Variants in BLK observed in about 807,000 individuals in gnomAD.
The protein encoded by BLK is BLK proto-oncogene, Src family tyrosine kinase, also known as tyrosine-protein kinase Blk.
In BLK, 64 loss-of-function variants were observed where a neutral mutation model predicts 61.8. That is an observed-to-expected ratio of 1.03 (90% CI 0.85 to 1.27). The LOEUF (loss-of-function observed/expected upper bound fraction) is 1.27, where lower values mean the gene tolerates loss of function less well. BLK is among the 50% of genes most tolerant of loss of function. The pLI, the probability that BLK is intolerant of heterozygous loss-of-function variation, is 0.00. For synonymous variants in BLK, 351 were observed against 272.0 expected (o/e 1.29, Z -2.86); for missense variants, 853 against 660.5 (o/e 1.29, Z -3.19).
intron 1 of BLK, among the ~76,000 whole-genome samples, chr8:11,494,895 C>A (rs1241182618): frequency 6.6e-6 from 1 of 152,204 alleles, no homozygotes; most frequent in African/African-American, 2.4e-5. Flanking sequence ...GGGGGTTGAG[C>A]GGGCACACAC....
intron 1 of BLK, among the ~76,000 whole-genome samples, chr8:11,496,580 C>T (rs1275577370): frequency 1.3e-5 from 2 of 152,176 alleles, no homozygotes; most frequent in Non-Finnish European, 2.9e-5. Context: ...GTGGCAGGGG[C>T]TGCAGGACGG....
intron 6 of BLK, among the ~76,000 whole-genome samples, chr8:11,552,073 G>A (rs555984421): frequency 9.2e-5 from 14 of 152,328 alleles, no homozygotes; most frequent in East Asian, 3.9e-4. Flanking sequence ...GGGAGAGAGA[G>A]TGTCTGGAAT....
At chr8:11,548,006 G>A (rs765333728) in intron 3 of BLK, 26 bp from the exon 4 acceptor site, 1 of 1,602,340 alleles carries the variant, frequency 6.2e-7, no homozygotes, top group South Asian at 1.1e-5. Flanking sequence ...CCTGAGTGGT[G>A]GTCATCTCTC....
intron 1 of BLK, among the ~76,000 whole-genome samples, chr8:11,517,474 C>A (rs926086727): frequency 6.6e-6 from 1 of 152,176 alleles, no homozygotes; most frequent in Non-Finnish European, 1.5e-5. Flanking sequence ...TTTCCCTGGC[C>A]CCTTTTTGGC....
chr8:11,514,862 A>C, intron 1 of BLK, among the ~76,000 whole-genome samples: 1 of 152,300 alleles, frequency 6.6e-6, no homozygotes, highest in Middle Eastern at 3.4e-3. Context: ...AAGCTATTAC[A>C]GTCCCAGATC....
intron 6 of BLK, chr8:11,553,410 T>C (rs1801011318): frequency 6.6e-6 from 3 of 451,512 alleles, no homozygotes; most frequent in African/African-American, 2.0e-5. Context: ...CTGAAGCTGA[T>C]AGGATCTGAG....
chr8:11,561,258 T>C, intron 10 of BLK, 44 bp from the exon 11 acceptor site: 2 of 1,598,532 alleles, frequency 1.3e-6, no homozygotes, highest in Non-Finnish European at 1.7e-6. Context: ...GGTCTTGGCG[T>C]GGAGGCCCCC....
chr8:11,503,940 A>G (rs1038202924), intron 1 of BLK, among the ~76,000 whole-genome samples: 3 of 152,154 alleles, frequency 2.0e-5, no homozygotes, highest in African/African-American at 2.4e-5. Context: ...AACTACCCCC[A>G]GAGAGGCTCC....
At chr8:11,516,010 A>G (rs911383130) in intron 1 of BLK, among the ~76,000 whole-genome samples, 2 of 152,242 alleles carry the variant, frequency 1.3e-5, no homozygotes, top group African/African-American at 4.8e-5. Flanking sequence ...TGTAGATGGA[A>G]CAAAAGTTCA....
chr8:11,497,884 G>T (rs1272589009), intron 1 of BLK, among the ~76,000 whole-genome samples: 1 of 152,180 alleles, frequency 6.6e-6, no homozygotes, highest in East Asian at 1.9e-4. Context: ...AGCCAGGTCA[G>T]TCTGGCTCTG....
chr8:11,561,150 C>T (rs1245508605), intron 10 of BLK, 152 bp from the exon 11 acceptor site: 11 of 1,138,388 alleles, frequency 9.7e-6, no homozygotes, highest in East Asian at 2.6e-5. Context: ...GGAGTTTATT[C>T]GGCTGAGGAG....
chr8:11,559,506 AACTCACAC>A (rs1006956578), intron 10 of BLK, among the ~76,000 whole-genome samples: 2 of 121,008 alleles, frequency 1.7e-5, no homozygotes, highest in African/African-American at 2.9e-5. Flanking sequence ...CAAACTCACA[AACTCACAC>A]ACACAAACAC....
intron 10 of BLK, among the ~76,000 whole-genome samples, chr8:11,558,272 C>T (rs1801326066): frequency 6.6e-6 from 1 of 152,216 alleles, no homozygotes; most frequent in Non-Finnish European, 1.5e-5. Context: ...GGAATGGAGC[C>T]TTAGACCCGG....
At position 11,502,872 on chromosome 8, in the gene BLK, G is replaced by A. The variant is rs28496783; in HGVS notation, c.-2+8281G>A. Among the ~76,000 whole-genome samples the A allele has an allele frequency of 1.3e-4, 20 of 152,338 alleles. No homozygotes were observed. In the East Asian group the frequency reaches 2.7e-3, roughly 21 times the overall value. On this transcript the variant is annotated intron_variant, in intron 1 of 12. Transcript: ENST00000259089. ...TGCTTTGTGCTCGGTGGCAGGGGAAGGGGGGTGGGCCTGTGGGCCTGGATG... is the reference window on the plus strand; with the variant it reads ...TGCTTTGTGCTCGGTGGCAGGGGAAAGGGGGTGGGCCTGTGGGCCTGGATG...
At chr8:11,553,441 C>G (rs1368513235) in intron 6 of BLK, 2 of 429,680 alleles carry the variant, frequency 4.7e-6, no homozygotes, top group East Asian at 1.5e-4. Context: ...CAAAGGACAC[C>G]AAATTGTCAG....
intron 12 of BLK, among the ~76,000 whole-genome samples, 155 bp from the exon 13 acceptor site, chr8:11,563,748 G>A (rs1320526606): frequency 1.3e-5 from 2 of 152,244 alleles, no homozygotes; most frequent in African/African-American, 4.8e-5. Flanking sequence ...TAGAGACCGG[G>A]CAGCCAGGCA....
intron 1 of BLK, among the ~76,000 whole-genome samples, chr8:11,532,535 T>C (rs182253147): frequency 6.6e-6 from 1 of 152,208 alleles, no homozygotes; most frequent in East Asian, 1.9e-4. Flanking sequence ...ATTTCAGATA[T>C]TGTATTTTTT....
chr8:11,514,320 C>A (rs1222290924), intron 1 of BLK, among the ~76,000 whole-genome samples: 1 of 152,256 alleles, frequency 6.6e-6, no homozygotes. Flanking sequence ...AGAAAACCCA[C>A]TTGTCCTTTG....
chr8:11,512,654 TTTTGTTTG>T (rs34375861), intron 1 of BLK, among the ~76,000 whole-genome samples: 7 of 151,000 alleles, frequency 4.6e-5, no homozygotes, highest in Non-Finnish European at 7.4e-5. Context: ...AGGCTTCTGG[TTTTGTTTG>T]TTTGTTTGTT....
Sources: gnomAD v4.1 joint callset for allele counts (sites outside exome capture counted in the v4.1 genomes callset) on GRCh38, gnomAD v4.1.1 for gene constraint, MANE v1.5 for transcripts, NCBI Gene and HGNC (gene_info 2026-07-23, HGNC 2026-07-21) for gene names.